Variants in MET observed in about 807,000 individuals in gnomAD.
MET encodes hepatocyte growth factor receptor.
Under a neutral mutation model 133.1 loss-of-function variants are expected in MET, and 48 were observed. That is an observed-to-expected ratio of 0.36 (90% CI 0.29 to 0.46). The LOEUF is 0.46. Ranked by LOEUF, MET falls within the 20% of genes least tolerant of loss-of-function variation. The probability of loss-of-function intolerance (pLI) is 1.00; values close to 1 mark genes in which losing one functional copy is unlikely to be tolerated. For synonymous variants in MET, 628 were observed against 616.5 expected, an observed-to-expected ratio of 1.02 and a Z score of -0.28; for missense variants, 1,442 against 1,695.9, an observed-to-expected ratio of 0.85 and a Z score of 2.63.
intron 2 of MET, among the ~76,000 whole-genome samples, chr7:116,729,667 T>G (rs1248906887): frequency 6.6e-6 from 1 of 152,236 alleles, no homozygotes; most frequent in East Asian, 1.9e-4. Flanking sequence ...ATCATTTTCC[T>G]TAATACTTTC....
intron 19 of MET, among the ~76,000 whole-genome samples, chr7:116,791,249 T>C (rs1410037401): frequency 6.6e-6 from 1 of 152,216 alleles, no homozygotes; most frequent in Non-Finnish European, 1.5e-5. Flanking sequence ...AAGATAAGTG[T>C]ACATTCAACT....
intron 1 of MET, among the ~76,000 whole-genome samples, chr7:116,676,983 G>GT (rs1796180222): frequency 1.9e-5 from 2 of 105,368 alleles, no homozygotes; most frequent in Non-Finnish European, 2.6e-5. Context: ...CCAGAGTGTT[G>GT]TTTTGTTTTT....
chr7:116,741,223 G>A (rs142880865), intron 5 of MET, 198 bp downstream of exon 5: 130 of 635,100 alleles, frequency 2.0e-4, no homozygotes, highest in African/African-American at 2.0e-3. Context: ...CGGGCAGGGA[G>A]GGGGTGGTGT....
chr7:116,757,664 G>A lies in MET; in HGVS notation c.1992G>A (p.Pro664=), dbSNP rs373842614. The A allele has an allele frequency of 4.8e-5, 78 of 1,613,842 alleles. No individual in the cohort carries two copies. Among genetic ancestry groups the A allele is most frequent in the South Asian group, 1.8e-4 (16 of 91,066 alleles). Residue 664 remains proline (P), a synonymous_variant, in exon 8 of 21, where the codon CCG becomes CCA. Transcript: ENST00000397752. ...ATCCTGTAATAACAAGTATTTCGCC[G>A]AAATACGGTCCTATGGCTGGTGGCA... is the stretch of plus-strand genomic sequence containing the variant. ...YVDPVITSIS[P]KYGPMAGGTL... is the part of the protein sequence containing the mutation.
intron 8 of MET, 36 bp from the exon 9 acceptor site, chr7:116,758,423 T>A (rs140818026): frequency 2.3e-5 from 36 of 1,585,908 alleles, no homozygotes; most frequent in Non-Finnish European, 2.9e-5. Context: ...GTATCTCTAA[T>A]AGCTAAAATT....
chr7:116,774,004 C>T (rs1042922584), intron 14 of MET, among the ~76,000 whole-genome samples: 2 of 152,092 alleles, frequency 1.3e-5, no homozygotes, highest in African/African-American at 4.8e-5. Flanking sequence ...CAATACTATG[C>T]CTAGTTTATC....
intron 1 of MET, chr7:116,695,914 T>C (rs1414785019): frequency 3.6e-6 from 1 of 274,314 alleles, no homozygotes; most frequent in East Asian, 9.7e-5. Context: ...TATCCCTTCA[T>C]AACCTGTACC....
chr7:116,783,259 T>G (rs2117064648), intron 18 of MET, 45 bp from the exon 19 acceptor site: 1 of 1,610,410 alleles, frequency 6.2e-7, no homozygotes, highest in African/African-American at 1.3e-5. Flanking sequence ...TCATTGTAAA[T>G]TATTCTATTT....
intron 17 of MET, among the ~76,000 whole-genome samples, chr7:116,781,255 T>A (rs903887373): frequency 2.6e-5 from 4 of 152,162 alleles, no homozygotes; most frequent in African/African-American, 9.7e-5. Context: ...TCTCTCTGCC[T>A]CTAGAGCCCA....
chr7:116,731,574 A>T, intron 2 of MET, 94 bp from the exon 3 acceptor site: 7 of 1,288,940 alleles, frequency 5.4e-6, no homozygotes, highest in Non-Finnish European at 6.7e-6. Flanking sequence ...CCTTGCCATT[A>T]TCCTCCAGGC....
At chr7:116,676,848 A>G (rs778067527) in intron 1 of MET, among the ~76,000 whole-genome samples, 7 of 152,132 alleles carry the variant, frequency 4.6e-5, no homozygotes, top group African/African-American at 9.7e-5. Flanking sequence ...GAGATACCTG[A>G]ATAGTGCCCC....
chr7:116,679,424 T>C (rs894208993), intron 1 of MET, among the ~76,000 whole-genome samples: 1 of 152,172 alleles, frequency 6.6e-6, no homozygotes, highest in Non-Finnish European at 1.5e-5. Context: ...GTGCTGAAAA[T>C]AGGAAGGAAT....
chr7:116,706,795 C>T (rs1363415748), intron 2 of MET, among the ~76,000 whole-genome samples: 3 of 151,964 alleles, frequency 2.0e-5, no homozygotes, highest in African/African-American at 7.2e-5. Flanking sequence ...AGTCACATCT[C>T]CAGCGTCCAG....
intron 4 of MET, 44 bp downstream of exon 4, chr7:116,740,128 C>G (rs2116829150): frequency 1.2e-6 from 2 of 1,611,286 alleles, no homozygotes; most frequent in Non-Finnish European, 1.7e-6. Flanking sequence ...TGGTTTTTCC[C>G]AAATGCATAT....
At chr7:116,731,542 A>G in intron 2 of MET, 126 bp from the exon 3 acceptor site, 2 of 911,294 alleles carry the variant, frequency 2.2e-6, no homozygotes, top group Non-Finnish European at 3.5e-6. Flanking sequence ...ATCTGTGGCT[A>G]TTTGTCTATT....
rs906876420 is a variant in MET, at chr7:116,714,496, T to C, written c.1200+14212T>C. 2.0e-5 allele frequency among the ~76,000 whole-genome samples: 3 copies of C among 152,264 alleles called. No individual in the cohort carries two copies. The South Asian group carries it at 6.2e-4, about 32-fold the overall frequency. ...TAAGCCCACACAGATCTTATTTTTT[T>C]CCTAGTCTTAGAGGATTTACTGCCA... On this transcript the variant is annotated intron_variant, in intron 2 of 20. Coordinates refer to ENST00000397752, the MANE Select transcript of MET (RefSeq NM_000245.4).
Position 116,719,499 on chromosome 7 carries a change from T to C in MET, c.1201-12169T>C, listed in dbSNP as rs893831772. ...GCAGAAGCTCTTTAGTTTAATTAGA[T>C]CCCATTTGTCAATTTTGGCTTTTGT... On this transcript the variant is annotated intron_variant, in intron 2 of 20. Coordinates refer to ENST00000397752, the MANE Select transcript of MET (RefSeq NM_000245.4). 1.7e-3 allele frequency among the ~76,000 whole-genome samples: 266 copies of C among 152,272 alleles called. 2 individuals are homozygous for C. Among genetic ancestry groups the C allele is most frequent in the African/African-American group, 6.1e-3 (253 of 41,568 alleles).
chr7:116,741,348 A>G (rs1793447059), intron 5 of MET, among the ~76,000 whole-genome samples: 1 of 152,100 alleles, frequency 6.6e-6, no homozygotes, highest in African/African-American at 2.4e-5. Context: ...GTGGTGAATA[A>G]GCAACAGTGC....
intron 1 of MET, among the ~76,000 whole-genome samples, chr7:116,696,763 G>A (rs556464511): frequency 2.6e-5 from 4 of 152,258 alleles, no homozygotes; most frequent in East Asian, 3.9e-4. Flanking sequence ...ATTTCTAGTC[G>A]GAGTGGAGTC....
Sources: allele counts gnomAD v4.1 joint callset (sites outside exome capture counted in the v4.1 genomes callset), GRCh38; gene constraint gnomAD v4.1.1; transcripts MANE v1.5; gene names NCBI Gene and HGNC (gene_info 2026-07-23, HGNC 2026-07-21).